Variants in ASPRV1 observed in about 807,000 individuals in gnomAD.
ASPRV1 encodes aspartic peptidase retroviral like 1.
Under a neutral mutation model 11.0 loss-of-function variants are expected in ASPRV1, and 7 were observed. The observed-to-expected ratio is 0.64, with a 90% confidence interval of 0.36 to 1.20. The LOEUF (loss-of-function observed/expected upper bound fraction) is 1.20, where lower values mean the gene tolerates loss of function less well. ASPRV1 is among the 50% of genes most tolerant of loss of function. ASPRV1 has a pLI of 0.02. For missense variants in ASPRV1, 299 were observed against 320.0 expected, an observed-to-expected ratio of 0.93 and a Z score of 0.50; for synonymous variants, 136 against 138.4, an observed-to-expected ratio of 0.98 and a Z score of 0.12.
the ASPRV1 span, chr2:70,049,169 C>T: frequency 2.8e-5 from 4 of 141,182 alleles, no homozygotes; most frequent in Admixed American, 1.4e-4. Flanking sequence ...GGTATATCTC[C>T]TAATGCTATC....
chr2:70,037,400 T>C, the ASPRV1 span, among the ~76,000 whole-genome samples: 2 of 152,174 alleles, frequency 1.3e-5, no homozygotes, highest in Non-Finnish European at 2.9e-5. Context: ...CTCAGCTGAC[T>C]GCAACCTCCG....
chr2:69,936,388 T>C, the ASPRV1 span, among the ~76,000 whole-genome samples: 7 of 152,014 alleles, frequency 4.6e-5, no homozygotes, highest in Non-Finnish European at 1.0e-4. Context: ...CCTCCTAGGG[T>C]ATCGGGCACA....
chr2:70,022,689 A>G, the ASPRV1 span, among the ~76,000 whole-genome samples: 3 of 149,692 alleles, frequency 2.0e-5, no homozygotes, highest in South Asian at 6.4e-4. Flanking sequence ...GACCCTGTTT[A>G]AAAAAAAAAT....
the ASPRV1 span, among the ~76,000 whole-genome samples, chr2:70,083,845 A>G: frequency 1.3e-5 from 2 of 152,200 alleles, no homozygotes; most frequent in African/African-American, 4.8e-5. Flanking sequence ...GCTTTATAAA[A>G]GGGAGAACTG....
At chr2:70,037,361 T>C in the ASPRV1 span, among the ~76,000 whole-genome samples, 1 of 152,220 alleles carries the variant, frequency 6.6e-6, no homozygotes, top group African/African-American at 2.4e-5. Flanking sequence ...TCTTGCTCTG[T>C]CACTCAGGCT....
At chr2:70,059,301 A>G in the ASPRV1 span, among the ~76,000 whole-genome samples, 2 of 107,436 alleles carry the variant, frequency 1.9e-5, no homozygotes, top group Non-Finnish European at 4.0e-5. Flanking sequence ...TTTTTTAATT[A>G]TACTTTAAGT....
chr2:70,067,785 G>A, the ASPRV1 span, among the ~76,000 whole-genome samples: 152 of 152,242 alleles, frequency 1.0e-3, 2 homozygotes, highest in East Asian at 0.025. Context: ...TACCTCTAGT[G>A]AATACAGAAA....
At chr2:69,954,669 C>T in the ASPRV1 span, among the ~76,000 whole-genome samples, 20 of 152,298 alleles carry the variant, frequency 1.3e-4, no homozygotes, top group African/African-American at 4.8e-4. Flanking sequence ...TTCCTCCCTC[C>T]ACCCCAAATA....
At chr2:70,029,568 A>G in the ASPRV1 span, among the ~76,000 whole-genome samples, 81,589 of 152,046 alleles carry the variant, frequency 0.54, 25,383 homozygotes, top group African/African-American at 0.86. Context: ...GAACCCAGGC[A>G]GCAGAAGTTG....
the ASPRV1 span, among the ~76,000 whole-genome samples, chr2:70,034,095 C>A: frequency 9.8e-4 from 132 of 134,722 alleles, no homozygotes; most frequent in African/African-American, 3.6e-3. Flanking sequence ...GTGGAGCCTG[C>A]AGTGAGCCGA....
At chr2:70,013,872 C>G in the ASPRV1 span, among the ~76,000 whole-genome samples, 1 of 152,052 alleles carries the variant, frequency 6.6e-6, no homozygotes, top group African/African-American at 2.4e-5. Flanking sequence ...AAGAGTGAAA[C>G]TCCGTCTCAA....
chr2:70,027,647 T>C, the ASPRV1 span, among the ~76,000 whole-genome samples: 1 of 152,112 alleles, frequency 6.6e-6, no homozygotes, highest in Non-Finnish European at 1.5e-5. Context: ...AAAAAGGTGA[T>C]CTCATGGAAG....
At chr2:70,005,705 T>C in the ASPRV1 span, among the ~76,000 whole-genome samples, 1 of 152,250 alleles carries the variant, frequency 6.6e-6, no homozygotes, top group Non-Finnish European at 1.5e-5. Flanking sequence ...ACATCCTTAA[T>C]TTCTCCATAG....
At chr2:69,989,459 C>T in the ASPRV1 span, among the ~76,000 whole-genome samples, 1 of 152,248 alleles carries the variant, frequency 6.6e-6, no homozygotes, top group Non-Finnish European at 1.5e-5. Flanking sequence ...CCTCAGAGTT[C>T]AGGCCTTAAG....
the ASPRV1 span, chr2:69,937,134 G>T: frequency 1.4e-6 from 2 of 1,474,438 alleles, no homozygotes; most frequent in African/African-American, 1.4e-5. Context: ...AGGCGTCTGA[G>T]GAAGTGTGGC....
chr2:69,949,352 A>G, the ASPRV1 span, among the ~76,000 whole-genome samples: 1 of 152,182 alleles, frequency 6.6e-6, no homozygotes, highest in African/African-American at 2.4e-5. Context: ...GCTCAGAGCT[A>G]AGGCAGGACA....
At chr2:70,034,562 CTT>C in the ASPRV1 span, among the ~76,000 whole-genome samples, 1 of 146,332 alleles carries the variant, frequency 6.8e-6, no homozygotes, top group East Asian at 2.0e-4. Flanking sequence ...CAGAGCGAGA[CTT>C]TGTCTCAAAA....
the ASPRV1 span, among the ~76,000 whole-genome samples, chr2:70,020,612 C>T: frequency 1.2e-4 from 18 of 152,086 alleles, no homozygotes; most frequent in South Asian, 4.1e-4. Flanking sequence ...TGTGGTGGCA[C>T]GCATCTGTAA....
chr2:69,984,327 C>T, the ASPRV1 span, among the ~76,000 whole-genome samples: 4 of 152,184 alleles, frequency 2.6e-5, no homozygotes, highest in Admixed American at 6.5e-5. Context: ...GTGTGAGCCA[C>T]CGCACCCAGC....
Sources: gnomAD v4.1 joint callset for allele counts (sites outside exome capture counted in the v4.1 genomes callset) on GRCh38, gnomAD v4.1.1 for gene constraint, MANE v1.5 for transcripts, NCBI Gene and HGNC (gene_info 2026-07-23, HGNC 2026-07-21) for gene names.